Variants in FAM221A observed in about 807,000 individuals in gnomAD.
FAM221A encodes family with sequence similarity 221 member A, also known as protein FAM221A.
FAM221A carries 43 observed loss-of-function variants against 37.6 expected under a neutral mutation model. That is an observed-to-expected ratio of 1.15 (90% CI 0.90 to 1.48). The LOEUF (loss-of-function observed/expected upper bound fraction) is 1.48, where lower values mean the gene tolerates loss of function less well. Ranked by LOEUF, FAM221A falls within the 40% of genes most tolerant of loss-of-function variation. The pLI, the probability that FAM221A is intolerant of heterozygous loss-of-function variation, is 0.00. For synonymous variants in FAM221A, 135 were observed against 132.9 expected (o/e 1.02, Z -0.11); for missense variants, 361 against 361.5 (o/e 1.00, Z 0.01).
At chr7:23,686,218 G>C in intron 2 of FAM221A, 1 of 379,674 alleles carries the variant, frequency 2.6e-6, no homozygotes, top group South Asian at 1.9e-5. Context: ...TCTAATCTCT[G>C]TATAACTTAT....
intron 4 of FAM221A, chr7:23,693,667 T>C (rs1784879498): frequency 6.6e-6 from 1 of 152,138 alleles, no homozygotes; most frequent in Non-Finnish European, 1.5e-5. Flanking sequence ...TTCTCCTGCG[T>C]TTTATTTTAA....
chr7:23,691,128 G>C lies in FAM221A; in HGVS notation c.431-262G>C, dbSNP rs140720780. 7.1e-3 allele frequency among the ~76,000 whole-genome samples: 1,087 copies of C among 152,098 alleles called. 17 individuals are homozygous for C. The highest frequency in any genetic ancestry group is 0.025 in the African/African-American group (1,019 of 41,490). ...CTGCTTATAATTCAGTTTTTGAGGA[G>C]AGGGTCTGCATTACCTGGCTCTTCA... On this transcript the variant is annotated intron_variant, in intron 3 of 6. Coordinates refer to ENST00000344962, the MANE Select transcript of FAM221A (RefSeq NM_199136.5).
At position 23,689,430 on chromosome 7, in the gene FAM221A, G is replaced by A; in HGVS notation, c.401G>A (p.Ser134Asn). The A allele has an allele frequency of 6.3e-7, 1 of 1,575,912 alleles. No individual in the cohort carries two copies. The highest frequency in any genetic ancestry group is 8.7e-7 in the Non-Finnish European group (1 of 1,150,428). ...CRCKHFADQH[S>N]AAPGFTCNTC... Reference sequence around the variant, plus strand: ...TGCAAACACTTTGCTGATCAGCACAGTGCTGCGCCTGGCTTTACATGCAAT... The same window carrying A: ...TGCAAACACTTTGCTGATCAGCACAATGCTGCGCCTGGCTTTACATGCAAT... Residue 134 changes from serine to asparagine, a missense_variant, in exon 3 of 7, where the codon AGT becomes AAT. Coordinates refer to ENST00000344962, the MANE Select transcript of FAM221A (RefSeq NM_199136.5).
intron 3 of FAM221A, among the ~76,000 whole-genome samples, chr7:23,689,744 G>A (rs1043788491): frequency 1.3e-5 from 2 of 152,122 alleles, no homozygotes; most frequent in African/African-American, 4.8e-5. Flanking sequence ...GGATTTTAAA[G>A]AATTGCCAGA....
chr7:23,689,332 C>G lies in FAM221A; in HGVS notation c.303C>G (p.Cys101Trp). ...AGCAGTGCCCCATTGATCTGCCCTG[C>G]CAAGTGACTGGCTGCCAGTGCAGGG... ...IPQQCPIDLP[C>W]QVTGCQCRAY... is the part of the protein sequence containing the mutation. The change falls in exon 3 of 7, where the codon TGC becomes TGG. Residue 101 changes from cysteine (C) to tryptophan (W), a missense_variant. Physicochemically the swap from Cys to Trp is radical, Grantham distance 215. Coordinates refer to ENST00000344962, the MANE Select transcript of FAM221A (RefSeq NM_199136.5). The G allele has an allele frequency of 3.1e-6, 5 of 1,600,358 alleles. No homozygotes were observed. The highest frequency in any genetic ancestry group is 4.3e-6 in the Non-Finnish European group (5 of 1,169,102).
intron 4 of FAM221A, chr7:23,693,594 T>C (rs376750593): frequency 7.0e-6 from 1 of 142,934 alleles, no homozygotes; most frequent in Admixed American, 7.1e-5. Flanking sequence ...TCTTAATTTT[T>C]TTTTTCTTTA....
At chr7:23,685,498 T>C (rs142953966) in intron 2 of FAM221A, among the ~76,000 whole-genome samples, 14 of 152,334 alleles carry the variant, frequency 9.2e-5, no homozygotes, top group African/African-American at 3.1e-4. Context: ...TCTCACATCA[T>C]TGGAGAAAGT....
intron 2 of FAM221A, chr7:23,687,303 C>G (rs898425174): frequency 6.6e-6 from 1 of 152,164 alleles, no homozygotes; most frequent in African/African-American, 2.4e-5. Context: ...AGGGGAAACT[C>G]TATTCTGTTC....
At chr7:23,700,663 T>C (rs1785363845) in intron 5 of FAM221A, 123 bp from the exon 6 acceptor site, 1 of 619,858 alleles carries the variant, frequency 1.6e-6, no homozygotes, top group South Asian at 2.3e-5. Context: ...ATTATTCATT[T>C]AGGCCATTTT....
intron 4 of FAM221A, among the ~76,000 whole-genome samples, chr7:23,696,584 TAC>T (rs1785074669): frequency 6.6e-6 from 1 of 152,170 alleles, no homozygotes; most frequent in African/African-American, 2.4e-5. Context: ...AATAAAATGT[TAC>T]ACTTTTATAG....
intron 5 of FAM221A, among the ~76,000 whole-genome samples, chr7:23,699,704 G>C (rs910578766): frequency 8.6e-5 from 13 of 151,672 alleles, no homozygotes; most frequent in African/African-American, 3.2e-4. Flanking sequence ...ACCATGTCCA[G>C]CTAAATTTTG....
At chr7:23,683,323 C>T (rs372698229) in intron 1 of FAM221A, among the ~76,000 whole-genome samples, 1 of 152,160 alleles carries the variant, frequency 6.6e-6, no homozygotes, top group Admixed American at 6.5e-5. Flanking sequence ...GAAATTAACC[C>T]ATGATAAACT....
intron 2 of FAM221A, 121 bp downstream of exon 2, chr7:23,684,793 G>C: frequency 1.1e-6 from 1 of 948,242 alleles, no homozygotes; most frequent in Non-Finnish European, 1.5e-6. Flanking sequence ...TAGTAGAGTA[G>C]AAATTATCAG....
intron 4 of FAM221A, among the ~76,000 whole-genome samples, chr7:23,696,124 G>T (rs1317507626): frequency 1.3e-5 from 2 of 152,150 alleles, no homozygotes; most frequent in African/African-American, 4.8e-5. Flanking sequence ...TAGCTACATG[G>T]TATAGCCTTT....
chr7:23,691,760 ATTT>A (rs1241094520), intron 4 of FAM221A, among the ~76,000 whole-genome samples, 164 bp downstream of exon 4: 1 of 151,914 alleles, frequency 6.6e-6, no homozygotes, highest in Non-Finnish European at 1.5e-5. Context: ...TTTTTATTTT[ATTT>A]TTTATTTTTT....
intron 1 of FAM221A, among the ~76,000 whole-genome samples, chr7:23,684,014 G>T (rs892637916): frequency 1.3e-5 from 2 of 152,174 alleles, no homozygotes; most frequent in Admixed American, 6.5e-5. Context: ...TGGAGCCTCA[G>T]TAAATTTAGT....
chr7:23,695,834 A>G (rs906030994), intron 4 of FAM221A, among the ~76,000 whole-genome samples: 27 of 152,208 alleles, frequency 1.8e-4, no homozygotes, highest in African/African-American at 5.8e-4. Flanking sequence ...TTATAAAAAT[A>G]ATGTTTTTTC....
intron 6 of FAM221A, among the ~76,000 whole-genome samples, chr7:23,701,148 T>C (rs781438648): frequency 6.6e-6 from 1 of 152,060 alleles, no homozygotes; most frequent in Non-Finnish European, 1.5e-5. Flanking sequence ...TTGTAAATTA[T>C]ATGTATCTTG....
In FAM221A at chr7:23,700,858, A is replaced by C. The variant is rs1785382812; in HGVS notation, c.818A>C (p.Tyr273Ser). Residue 273 changes from tyrosine to serine, a missense_variant, in exon 6 of 7, where the codon TAC becomes TCC. Transcript: ENST00000344962. ...EDDMAFFERR[Y>S]QERMKMEKAA... is the part of the protein sequence containing the mutation. Reference sequence around the variant, plus strand: ...GATATGGCTTTCTTTGAAAGACGATACCAGGAAAGGGTAGGTTTTTGAGGA... The same window carrying C: ...GATATGGCTTTCTTTGAAAGACGATCCCAGGAAAGGGTAGGTTTTTGAGGA... The C allele has an allele frequency of 6.2e-7, 1 of 1,607,612 alleles. No individual in the cohort carries two copies. The highest frequency in any genetic ancestry group is 1.3e-5 in the African/African-American group (1 of 74,662).
Sources: allele counts gnomAD v4.1 joint callset (sites outside exome capture counted in the v4.1 genomes callset), GRCh38; gene constraint gnomAD v4.1.1; transcripts MANE v1.5; gene names NCBI Gene and HGNC (gene_info 2026-07-23, HGNC 2026-07-21).